HDAC9: variants seen among roughly 807,000 people sequenced by gnomAD.
HDAC9 encodes MEF-2 interacting transcription repressor (MITR) protein.
HDAC9 carries 41 observed loss-of-function variants against 139.4 expected under a neutral mutation model. The ratio of observed to expected loss-of-function variants is 0.29; its 90% CI spans 0.23 to 0.38. The LOEUF (loss-of-function observed/expected upper bound fraction) is 0.38. Ranked by LOEUF, HDAC9 falls within the 10% of genes least tolerant of loss-of-function variation. The pLI, the probability that HDAC9 is intolerant of heterozygous loss-of-function variation, is 1.00. For missense variants in HDAC9, 1,147 were observed against 1,297.0 expected (o/e 0.88, Z 1.78); for synonymous variants, 517 against 476.2 (o/e 1.09, Z -1.12).
At chr7:18,615,267 C>T (rs1476288176) in intron 6 of HDAC9, among the ~76,000 whole-genome samples, 2 of 152,100 alleles carry the variant, frequency 1.3e-5, no homozygotes, top group African/African-American at 2.4e-5. Context: ...TCCCCCTCCT[C>T]TTTTACTTAC....
At chr7:18,517,117 A>C (rs1350533380) in intron 2 of HDAC9, among the ~76,000 whole-genome samples, 1 of 152,136 alleles carries the variant, frequency 6.6e-6, no homozygotes, top group Non-Finnish European at 1.5e-5. Context: ...TTTTGATCAA[A>C]ACTGATGATC....
intron 2 of HDAC9, among the ~76,000 whole-genome samples, chr7:18,200,704 A>G (rs1791055637): frequency 6.6e-6 from 1 of 152,236 alleles, no homozygotes. Flanking sequence ...CTGAAAAATC[A>G]TACAAAGAGA....
chr7:18,132,718 C>T (rs547135043), intron 1 of HDAC9, among the ~76,000 whole-genome samples: 29 of 152,236 alleles, frequency 1.9e-4, no homozygotes, highest in Admixed American at 1.8e-3. Context: ...CATTAAAAGA[C>T]CTTGGCTGAG....
chr7:18,227,470 C>G (rs1039500773), intron 2 of HDAC9, among the ~76,000 whole-genome samples: 1 of 152,132 alleles, frequency 6.6e-6, no homozygotes. Context: ...CATGATCACA[C>G]ACAAAGTGAT....
chr7:18,336,131 A>G (rs1198227890), intron 1 of HDAC9, among the ~76,000 whole-genome samples: 2 of 151,626 alleles, frequency 1.3e-5, no homozygotes, highest in Non-Finnish European at 3.0e-5. Context: ...CAGGTCTTGG[A>G]CAAGTATTTT....
intron 1 of HDAC9, among the ~76,000 whole-genome samples, chr7:18,394,211 T>C (rs1786811515): frequency 6.6e-6 from 1 of 152,182 alleles, no homozygotes. Flanking sequence ...CCTTGTTTGT[T>C]AAAGGGACAC....
intron 2 of HDAC9, among the ~76,000 whole-genome samples, chr7:18,236,869 A>T (rs1793856128): frequency 6.6e-6 from 1 of 152,042 alleles, no homozygotes; most frequent in South Asian, 2.1e-4. Context: ...GACTTCCCTG[A>T]CCTGATTGTG....
intron 19 of HDAC9, among the ~76,000 whole-genome samples, chr7:18,835,139 G>T (rs1796141816): frequency 6.6e-6 from 1 of 152,126 alleles, no homozygotes; most frequent in African/African-American, 2.4e-5. Flanking sequence ...CAAAGAGCCG[G>T]TGTATAAATA....
chr7:18,985,465 A>G (rs1785268880), intron 25 of HDAC9, among the ~76,000 whole-genome samples: 1 of 152,246 alleles, frequency 6.6e-6, no homozygotes, highest in South Asian at 2.1e-4. Context: ...AATCCAGTCT[A>G]TCATTGTTGG....
chr7:18,836,483 T>G (rs984398093), intron 21 of HDAC9, among the ~76,000 whole-genome samples: 2 of 152,156 alleles, frequency 1.3e-5, no homozygotes, highest in Non-Finnish European at 2.9e-5. Context: ...GATGGTAGGG[T>G]AAATGACTTT....
At chr7:18,480,778 C>A (rs1795488475) in intron 1 of HDAC9, among the ~76,000 whole-genome samples, 1 of 151,746 alleles carries the variant, frequency 6.6e-6, no homozygotes, top group Admixed American at 6.6e-5. Flanking sequence ...TCATGGGGAA[C>A]CAGAAGAGTA....
intron 2 of HDAC9, among the ~76,000 whole-genome samples, chr7:18,178,399 G>A (rs1789126290): frequency 6.6e-6 from 1 of 152,158 alleles, no homozygotes; most frequent in Non-Finnish European, 1.5e-5. Flanking sequence ...TCTTTCTAAG[G>A]TGGCTTATCT....
intron 1 of HDAC9, among the ~76,000 whole-genome samples, chr7:18,361,611 T>C (rs1009699838): frequency 3.3e-5 from 5 of 152,216 alleles, no homozygotes; most frequent in Non-Finnish European, 7.3e-5. Flanking sequence ...TCTCTTTCTT[T>C]AGAAACATTT....
chr7:18,283,023 G>T (rs1374623072), intron 2 of HDAC9, among the ~76,000 whole-genome samples: 3 of 148,644 alleles, frequency 2.0e-5, no homozygotes, highest in Admixed American at 6.8e-5. Flanking sequence ...CCAGCAAGGG[G>T]AGATATTTCA....
At chr7:18,667,345 A>G (rs1795122800) in intron 12 of HDAC9, 1 of 984,454 alleles carries the variant, frequency 1.0e-6, no homozygotes, top group African/African-American at 1.7e-5. Context: ...TCTGATATCA[A>G]GTCAAAATCA....
chr7:18,433,861 A>C (rs1408526969), intron 1 of HDAC9, among the ~76,000 whole-genome samples: 1 of 152,228 alleles, frequency 6.6e-6, no homozygotes, highest in Non-Finnish European at 1.5e-5. Context: ...CAATTTACAG[A>C]TTTAATGCTA....
At chr7:18,538,865 T>A (rs1476688428) in intron 2 of HDAC9, among the ~76,000 whole-genome samples, 3 of 152,136 alleles carry the variant, frequency 2.0e-5, no homozygotes. Flanking sequence ...GAAATATATT[T>A]CTTACAGTTC....
chr7:18,599,834 C>T (rs574862589), intron 6 of HDAC9, among the ~76,000 whole-genome samples: 1 of 152,236 alleles, frequency 6.6e-6, no homozygotes, highest in South Asian at 2.1e-4. Flanking sequence ...TGTGGTAAGA[C>T]TTGTTTGTTA....
chr7:18,242,224 A>G lies in HDAC9; in HGVS notation c.25+79875A>G, dbSNP rs143057750. ...AGGAGCTTTCTGAACATATAGCCCA[A>G]CTCCTTGTATATGTAAGGCATTTGT... On this transcript the variant is annotated intron_variant, in intron 2 of 12. Transcript: ENST00000417496. 3.3e-4 allele frequency among the ~76,000 whole-genome samples: 50 copies of G among 152,214 alleles called. No individual in the cohort carries two copies. The East Asian group carries it at 9.3e-3, about 28-fold the overall frequency.
Sources: allele counts gnomAD v4.1 joint callset (sites outside exome capture counted in the v4.1 genomes callset), GRCh38; gene constraint gnomAD v4.1.1; transcripts MANE v1.5; gene names NCBI Gene and HGNC (gene_info 2026-07-23, HGNC 2026-07-21).